The following BTBD9 variants were observed in gnomAD, a reference collection of about 807,000 sequenced individuals.
BTBD9 encodes the protein BTB domain containing 9, also known as BTB/POZ domain-containing protein 9.
A neutral mutation model predicts 64.3 loss-of-function variants in BTBD9; 49 were observed. The ratio of observed to expected loss-of-function variants is 0.76; its 90% CI spans 0.61 to 0.97. BTBD9 has a LOEUF of 0.97. Among genes scored for constraint, BTBD9 ranks in the 50% least tolerant of loss-of-function variants. The pLI is 0.00. For missense variants in BTBD9, 598 were observed against 762.1 expected, an observed-to-expected ratio of 0.78 and a Z score of 2.53; for synonymous variants, 260 against 274.7, an observed-to-expected ratio of 0.95 and a Z score of 0.53.
At chr6:38,470,018 C>T (rs1210312276) in intron 6 of BTBD9, among the ~76,000 whole-genome samples, 1 of 152,166 alleles carries the variant, frequency 6.6e-6, no homozygotes, top group East Asian at 1.9e-4. Context: ...ATCAAAATAA[C>T]ATCCTGGAGA....
chr6:38,212,090 A>G (rs1762853044), intron 9 of BTBD9, among the ~76,000 whole-genome samples: 1 of 152,130 alleles, frequency 6.6e-6, no homozygotes, highest in South Asian at 2.1e-4. Flanking sequence ...GTCCCAGGAG[A>G]GGCTGTGGGG....
chr6:38,634,576 T>TAAA (rs138777896), intron 1 of BTBD9, among the ~76,000 whole-genome samples: 16 of 149,470 alleles, frequency 1.1e-4, no homozygotes, highest in African/African-American at 3.0e-4. Flanking sequence ...TCCTTTTTTT[T>TAAA]AAAAAAAAAG....
chr6:38,550,123 T>C (rs549970789), intron 6 of BTBD9, among the ~76,000 whole-genome samples: 7 of 152,220 alleles, frequency 4.6e-5, no homozygotes, highest in Admixed American at 2.6e-4. Flanking sequence ...GTTAGACATA[T>C]ATTCAACTTC....
At chr6:38,197,881 C>G (rs960422144) in intron 9 of BTBD9, among the ~76,000 whole-genome samples, 5 of 152,178 alleles carry the variant, frequency 3.3e-5, no homozygotes, top group Non-Finnish European at 7.3e-5. Context: ...ACGTACAGGT[C>G]TGTAAAATAG....
At chr6:38,563,359 C>G (rs1469671878) in intron 6 of BTBD9, among the ~76,000 whole-genome samples, 1 of 152,150 alleles carries the variant, frequency 6.6e-6, no homozygotes, top group Non-Finnish European at 1.5e-5. Context: ...CATCTCAAAT[C>G]CACTCGTTTC....
At chr6:38,596,481 A>G (rs1777033865) in intron 2 of BTBD9, among the ~76,000 whole-genome samples, 3 of 152,196 alleles carry the variant, frequency 2.0e-5, no homozygotes, top group Admixed American at 1.3e-4. Context: ...CAATAAACAC[A>G]GGCTGAGAAG....
intron 6 of BTBD9, among the ~76,000 whole-genome samples, chr6:38,507,513 G>T (rs1772580911): frequency 6.6e-6 from 1 of 152,094 alleles, no homozygotes; most frequent in South Asian, 2.1e-4. Context: ...CCATCCAACT[G>T]CTCTCCCTTC....
At position 38,355,638 on chromosome 6, in the gene BTBD9, A is replaced by G. The variant is rs114632221; in HGVS notation, c.1155-10545T>C. On this transcript the variant is annotated intron_variant, in intron 6 of 10. Transcript: ENST00000481247. ...GTTTTTTAATATGCAAGAAGATTCT[A>G]TCATATTACTAATAGTCGTTGCTAC... 2.6e-3 allele frequency among the ~76,000 whole-genome samples: 392 copies of G among 152,360 alleles called. 2 individuals are homozygous for G. Among genetic ancestry groups the G allele is most frequent in the African/African-American group, 8.9e-3 (370 of 41,590 alleles).
chr6:38,171,866 AAAAAAAAAAAAAAAAAT>A lies in BTBD9; in HGVS notation c.*3102_*3118del, dbSNP rs1337402741. On this transcript the variant is annotated 3_prime_UTR_variant, in exon 11 of 11. Transcript: ENST00000481247. ...ACTCTCAAAAAAAAAAAAAAAAAAA[AAAAAAAAAAAAAAAAAT>A]AATAATAATAATAATAATAATAATA... 69 of 86,588 alleles carry A rather than the reference AAAAAAAAAAAAAAAAAT, an allele frequency of 8.0e-4. No individual in the cohort carries two copies. The highest frequency in any genetic ancestry group is 1.4e-3 in the Non-Finnish European group (48 of 35,342). The allele number at this position is 86,588 out of a possible 1,614,324, so 5.4% of individuals were successfully genotyped here. A position where few individuals can be genotyped will look rare whatever the true frequency, so the allele number is the denominator to read the frequency against.
chr6:38,590,334 A>G (rs940652987), intron 4 of BTBD9, among the ~76,000 whole-genome samples: 7 of 152,232 alleles, frequency 4.6e-5, no homozygotes, highest in Non-Finnish European at 7.3e-5. Context: ...ATTAAGTCTC[A>G]TAACAATGCT....
At chr6:38,577,467 T>C in intron 6 of BTBD9, 133 bp downstream of exon 6, 3 of 843,510 alleles carry the variant, frequency 3.6e-6, no homozygotes, top group Middle Eastern at 2.4e-4. Context: ...CCTAAGTTTT[T>C]TACTTGGGAT....
chr6:38,441,395 A>T (rs1295718186), intron 6 of BTBD9, among the ~76,000 whole-genome samples: 2 of 152,120 alleles, frequency 1.3e-5, no homozygotes, highest in Non-Finnish European at 2.9e-5. Context: ...AGAGAGTTAC[A>T]GAGAAGAAAC....
At chr6:38,624,989 TC>T (rs1778121212) in intron 1 of BTBD9, among the ~76,000 whole-genome samples, 1 of 152,200 alleles carries the variant, frequency 6.6e-6, no homozygotes, top group African/African-American at 2.4e-5. Context: ...CTAACCTTTT[TC>T]CAAAATGGAC....
chr6:38,633,344 C>A (rs1778422913), intron 1 of BTBD9, among the ~76,000 whole-genome samples: 1 of 152,164 alleles, frequency 6.6e-6, no homozygotes. Flanking sequence ...ACAAACAGTT[C>A]CCATTCTGGA....
At chr6:38,308,167 C>A (rs1039917998) in intron 7 of BTBD9, among the ~76,000 whole-genome samples, 3 of 152,156 alleles carry the variant, frequency 2.0e-5, no homozygotes, top group Admixed American at 2.0e-4. Context: ...CAGATGTTAG[C>A]AGTAATAACC....
intron 9 of BTBD9, among the ~76,000 whole-genome samples, chr6:38,234,842 A>C (rs1222696243): frequency 6.6e-6 from 1 of 152,250 alleles, no homozygotes; most frequent in Non-Finnish European, 1.5e-5. Context: ...TAATGCTGCC[A>C]TATTTCACAC....
In BTBD9 at chr6:38,504,514, T is replaced by C. The variant is rs1582541117; in HGVS notation, c.1154+73086A>G. 3 of 456,594 alleles carry C rather than the reference T, an allele frequency of 6.6e-6. No individual in the cohort carries two copies. The Admixed American group carries it at 7.0e-5, about 11-fold the overall frequency. The allele number at this position is 456,594 out of a possible 1,614,324, so 28.3% of individuals were successfully genotyped here. A position where few individuals can be genotyped will look rare whatever the true frequency, so the allele number is the denominator to read the frequency against. On this transcript the variant is annotated intron_variant, in intron 6 of 10. Coordinates refer to ENST00000481247, the MANE Select transcript of BTBD9 (RefSeq NM_001099272.2). The stretch of plus-strand genomic sequence containing the variant: ...CTTACCTTTTGAGGACTTTGCACTG[T>C]CACTGTCAGTTAGATCCCTCTTCTC...
At chr6:38,573,458 T>A (rs1406551041) in intron 6 of BTBD9, among the ~76,000 whole-genome samples, 1 of 152,156 alleles carries the variant, frequency 6.6e-6, no homozygotes, top group Non-Finnish European at 1.5e-5. Context: ...TTTACACCCA[T>A]CTCAACACCC....
intron 1 of BTBD9, among the ~76,000 whole-genome samples, chr6:38,620,413 C>T (rs975144037): frequency 9.2e-5 from 14 of 152,184 alleles, no homozygotes; most frequent in African/African-American, 3.4e-4. Context: ...ACCACACGTC[C>T]CAATTTACAT....
Sources: gnomAD v4.1 joint callset for allele counts (sites outside exome capture counted in the v4.1 genomes callset) on GRCh38, gnomAD v4.1.1 for gene constraint, MANE v1.5 for transcripts, NCBI Gene and HGNC (gene_info 2026-07-23, HGNC 2026-07-21) for gene names.